The following FBRSL1 variants were observed in gnomAD, a reference collection of about 807,000 sequenced individuals.
FBRSL1 encodes fibrosin like 1.
In FBRSL1, 51 loss-of-function variants were observed where a neutral mutation model predicts 89.6. That is an observed-to-expected ratio of 0.57 (90% CI 0.45 to 0.72). The LOEUF (loss-of-function observed/expected upper bound fraction) is 0.72, where lower values mean the gene tolerates loss of function less well. FBRSL1 is among the 30% of genes least tolerant of loss of function. The probability of loss-of-function intolerance (pLI) is 0.00; values close to 1 mark genes in which losing one functional copy is unlikely to be tolerated. For synonymous variants in FBRSL1, 779 were observed against 681.1 expected (o/e 1.14, Z -2.24); for missense variants, 1,618 against 1,451.8 (o/e 1.11, Z -1.86).
At chr12:132,530,501 C>T (rs914712318) in intron 4 of FBRSL1, among the ~76,000 whole-genome samples, 4 of 151,732 alleles carry the variant, frequency 2.6e-5, no homozygotes, top group Non-Finnish European at 5.9e-5. Flanking sequence ...GTGGCCACCT[C>T]CTGTGGCCAC....
chr12:132,523,001 A>G (rs774465601), intron 2 of FBRSL1, among the ~76,000 whole-genome samples: 13 of 152,170 alleles, frequency 8.5e-5, no homozygotes, highest in Admixed American at 6.5e-5. Context: ...CTCCATAAGC[A>G]TCGGTTGGAC....
chr12:132,567,543 G>A lies in FBRSL1; in HGVS notation c.691+17G>A, dbSNP rs974667744. The A allele has an allele frequency of 1.1e-5, 17 of 1,550,556 alleles. No homozygotes were observed. Among genetic ancestry groups the A allele is most frequent in the Admixed American group, 5.9e-5 (3 of 50,970 alleles). ...CCGATAAAGGTAAGTGGGTCCCCTC[G>A]GCCCAGCTCCTGGGCCTCTGAAGAG... On this transcript the variant is annotated intron_variant, in intron 6 of 18. Coordinates refer to ENST00000680143, the MANE Select transcript of FBRSL1 (RefSeq NM_001367871.1).
intron 4 of FBRSL1, among the ~76,000 whole-genome samples, chr12:132,542,925 T>C (rs2037386085): frequency 6.6e-6 from 1 of 152,234 alleles, no homozygotes; most frequent in Non-Finnish European, 1.5e-5. Flanking sequence ...GATTTGTGTC[T>C]CCCCATGTGT....
intron 2 of FBRSL1, chr12:132,509,889 G>GGGCT: frequency 8.1e-7 from 1 of 1,231,480 alleles, no homozygotes; most frequent in African/African-American, 1.6e-5. Flanking sequence ...CTTCCTCCCA[G>GGGCT]GACAGTGCTG....
At chr12:132,509,887 C>G (rs2034133651) in intron 2 of FBRSL1, 2 of 1,231,622 alleles carry the variant, frequency 1.6e-6, no homozygotes, top group African/African-American at 1.6e-5. Context: ...AGCTTCCTCC[C>G]AGGACAGTGC....
intron 1 of FBRSL1, among the ~76,000 whole-genome samples, chr12:132,504,202 G>T (rs1385937536): frequency 6.7e-6 from 1 of 148,628 alleles, no homozygotes; most frequent in Non-Finnish European, 1.5e-5. Flanking sequence ...TGCAGGGGGT[G>T]GGCCAGGCCT....
rs759532968 is a variant in FBRSL1, at chr12:132,508,119, G to A, written c.292-34G>A. 1.1e-4 allele frequency: 139 copies of A among 1,299,630 alleles called. 1 individual carries two copies. In the South Asian group the frequency reaches 1.2e-3, roughly 11 times the overall value. 80.5% of individuals were successfully genotyped at this position (1,299,630 alleles called of 1,614,324 possible). On this transcript the variant is annotated intron_variant, in intron 1 of 18. Transcript: ENST00000680143. ...CCTGGGCCCAAGGCCCTGGGGTCCC[G>A]CCAATTAACTGGCGTTTCCCTGTCT...
chr12:132,494,976 C>A (rs1002243085), intron 1 of FBRSL1, among the ~76,000 whole-genome samples: 6 of 152,240 alleles, frequency 3.9e-5, no homozygotes, highest in Non-Finnish European at 8.8e-5. Flanking sequence ...TCGTGTGCGG[C>A]CCCCGGCCTC....
intron 1 of FBRSL1, among the ~76,000 whole-genome samples, chr12:132,505,496 G>A (rs1343484257): frequency 1.3e-5 from 2 of 152,214 alleles, no homozygotes; most frequent in African/African-American, 4.8e-5. Flanking sequence ...GCCCCAAGGG[G>A]AACTCTGGTC....
At chr12:132,501,716 C>T (rs1194805421) in intron 1 of FBRSL1, among the ~76,000 whole-genome samples, 1 of 152,194 alleles carries the variant, frequency 6.6e-6, no homozygotes, top group Non-Finnish European at 1.5e-5. Flanking sequence ...ACAGGGGCCT[C>T]TGGAGAGGGT....
chr12:132,568,040 G>C (rs933263447), intron 6 of FBRSL1, among the ~76,000 whole-genome samples: 2 of 148,418 alleles, frequency 1.3e-5, no homozygotes, highest in Non-Finnish European at 2.9e-5. Flanking sequence ...CTCTCCAGAG[G>C]GGGTAGCCCC....
chr12:132,504,347 C>T (rs182618314), intron 1 of FBRSL1, among the ~76,000 whole-genome samples: 50 of 152,336 alleles, frequency 3.3e-4, no homozygotes, highest in Admixed American at 2.6e-4. Flanking sequence ...ATGGTAATGA[C>T]ATTAAGAGAG....
At position 132,562,881 on chromosome 12, in the gene FBRSL1, C is replaced by A. The variant is rs200642329; in HGVS notation, c.646-4600C>A. 5.5e-4 allele frequency among the ~76,000 whole-genome samples: 83 copies of A among 152,224 alleles called. 1 individual carries two copies. The East Asian group carries it at 0.014, about 25-fold the overall frequency. ...GAAGGTGGAATCCACACCTGGTCTT[C>A]TCTGATACGTTGATGGTTTTTCACT... On this transcript the variant is annotated intron_variant, in intron 5 of 18. Transcript: ENST00000680143.
intron 4 of FBRSL1, among the ~76,000 whole-genome samples, chr12:132,539,736 C>A: frequency 1.9e-5 from 1 of 52,092 alleles, no homozygotes; most frequent in Non-Finnish European, 3.6e-5. Context: ...CCCCGTGCCC[C>A]CACCCACCCA....
intron 3 of FBRSL1, among the ~76,000 whole-genome samples, chr12:132,527,732 CAGGGTTGAGGGCTG>C (rs1298436798): frequency 2.2e-5 from 3 of 138,934 alleles, no homozygotes; most frequent in Non-Finnish European, 4.8e-5. Context: ...GGCTGCGGGG[CAGGGTTGAGGGCTG>C]TGGGGCTGTG....
At chr12:132,572,379 G>C in intron 10 of FBRSL1, 35 bp downstream of exon 10, 1 of 1,548,678 alleles carries the variant, frequency 6.5e-7, no homozygotes, top group Non-Finnish European at 8.7e-7. Flanking sequence ...GCGTGTCGCT[G>C]TGCACGCAGG....
At position 132,508,199 on chromosome 12, in the gene FBRSL1, G is replaced by C; in HGVS notation, c.338G>C (p.Arg113Pro). The change falls in exon 2 of 19, where the codon CGT becomes CCT. Residue 113 changes from arginine to proline, a missense_variant. Coordinates refer to ENST00000680143, the MANE Select transcript of FBRSL1 (RefSeq NM_001367871.1). ...CATGAGCGGAAGGAGAAGTGGGAGC[G>C]TCGTCTCATCAAGAAGCCCCGGGAG... The part of the protein sequence containing the change: ...KPHERKEKWE[R>P]RLIKKPRESE... The C allele has an allele frequency of 6.4e-7, 1 of 1,551,234 alleles. No individual in the cohort carries two copies. Among genetic ancestry groups the C allele is most frequent in the Non-Finnish European group, 8.7e-7 (1 of 1,146,954 alleles).
Position 132,576,883 on chromosome 12 carries a change from G to C in FBRSL1, c.1786G>C (p.Gly596Arg). The stretch of plus-strand genomic sequence containing the variant: ...ACCCCCTGCCCCGGGCGTGTTTGCA[G>C]GCTTCCACTACCCACAGGACCTGGC... ...GRPPAPGVFAGFHYPQDLARP... is the reference protein window; with the variant it reads ...GRPPAPGVFARFHYPQDLARP... The change falls in exon 15 of 19, where the codon GGC (glycine) becomes CGC (arginine). Residue 596 changes from glycine (G) to arginine (R), a missense_variant. Gly to Arg is a moderately radical substitution (Grantham distance 125). Coordinates refer to ENST00000680143, the MANE Select transcript of FBRSL1 (RefSeq NM_001367871.1). 6.5e-7 allele frequency: 1 copy of C among 1,550,302 alleles called. No homozygotes were observed. Among genetic ancestry groups the C allele is most frequent in the Non-Finnish European group, 8.7e-7 (1 of 1,146,662 alleles).
intron 10 of FBRSL1, 79 bp from the exon 11 acceptor site, chr12:132,572,448 T>G: frequency 6.7e-7 from 1 of 1,498,762 alleles, no homozygotes; most frequent in Non-Finnish European, 9.1e-7. Flanking sequence ...CCTGCTGCAT[T>G]GGTGCCACCT....
Sources: allele counts gnomAD v4.1 joint callset (sites outside exome capture counted in the v4.1 genomes callset), GRCh38; gene constraint gnomAD v4.1.1; transcripts MANE v1.5; gene names NCBI Gene and HGNC (gene_info 2026-07-23, HGNC 2026-07-21).